The following WDR47 variants were observed in gnomAD, a reference collection of about 807,000 sequenced individuals.
WDR47 encodes WD repeat-containing protein 47.
In WDR47, 32 loss-of-function variants were observed where a neutral mutation model predicts 97.2. That is an observed-to-expected ratio of 0.33 (90% confidence interval 0.25 to 0.44). The LOEUF is 0.44. WDR47 is among the 20% of genes least tolerant of loss of function. WDR47 has a pLI of 1.00. For synonymous variants in WDR47, 375 were observed against 373.5 expected (o/e 1.00, Z -0.05); for missense variants, 782 against 1,102.3 (o/e 0.71, Z 4.11).
chr1:108,975,649 A>C (rs1657832539), intron 13 of WDR47, among the ~76,000 whole-genome samples: 1 of 151,708 alleles, frequency 6.6e-6, no homozygotes, highest in African/African-American at 2.4e-5. Context: ...TTTTTGAGAC[A>C]GAGTGAGACC....
At chr1:108,994,401 A>G (rs1489162101) in intron 8 of WDR47, among the ~76,000 whole-genome samples, 2 of 152,294 alleles carry the variant, frequency 1.3e-5, no homozygotes, top group Middle Eastern at 3.4e-3. Context: ...CCATCTCAAA[A>G]AAACAAAACA....
rs35274764 is a variant in WDR47 at position 109,030,757 on chromosome 1, TAAAA to T, written c.-9-7240_-9-7237del. The stretch of plus-strand genomic sequence containing the variant: ...CACAGGACTACTGCATCTTTTCCTT[TAAAA>T]AAAAAAAAAAAAAGGAGAAAAAAAC... On this transcript the variant is annotated intron_variant, in intron 1 of 14. Transcript: ENST00000369962. Among the ~76,000 whole-genome samples the T allele has an allele frequency of 4.4e-4, 50 of 113,222 alleles. 7 individuals are homozygous for T. The highest frequency in any genetic ancestry group is 7.1e-4 in the Non-Finnish European group (38 of 53,320). The allele number at this position is 113,222 out of a possible 152,430, so 74.3% of individuals were successfully genotyped here. A position where few individuals can be genotyped will look rare whatever the true frequency, so the allele number is the denominator to read the frequency against.
At chr1:109,013,604 G>A (rs1438850280) in intron 4 of WDR47, among the ~76,000 whole-genome samples, 1 of 152,054 alleles carries the variant, frequency 6.6e-6, no homozygotes, top group African/African-American at 2.4e-5. Context: ...CCTTAAACAA[G>A]AGAGATGCAC....
At chr1:109,036,534 C>CAAAA (rs34246298) in intron 1 of WDR47, among the ~76,000 whole-genome samples, 1 of 120,916 alleles carries the variant, frequency 8.3e-6, no homozygotes, top group African/African-American at 3.2e-5. Flanking sequence ...GACTCCGTCT[C>CAAAA]AAAAAAAAAA....
At chr1:109,033,777 G>A (rs1232041512) in intron 1 of WDR47, among the ~76,000 whole-genome samples, 1 of 152,210 alleles carries the variant, frequency 6.6e-6, no homozygotes. Context: ...AAATTAGCTG[G>A]ACGTGATGGC....
At chr1:109,029,669 CTCTA>C (rs1303605586) in intron 1 of WDR47, among the ~76,000 whole-genome samples, 1 of 135,914 alleles carries the variant, frequency 7.4e-6, no homozygotes, top group African/African-American at 3.1e-5. Context: ...GAGACTCTGT[CTCTA>C]AATAAATAAA....
At chr1:108,978,568 T>G (rs1658108426) in intron 13 of WDR47, among the ~76,000 whole-genome samples, 1 of 152,036 alleles carries the variant, frequency 6.6e-6, no homozygotes, top group African/African-American at 2.4e-5. Flanking sequence ...TATAAGTCTT[T>G]CAGTATATGA....
chr1:109,030,757 T>TA lies in WDR47; in HGVS notation c.-9-7237dup, dbSNP rs35274764. On this transcript the variant is annotated intron_variant, in intron 1 of 14. Transcript: ENST00000369962. ...CACAGGACTACTGCATCTTTTCCTT[T>TA]AAAAAAAAAAAAAAAAAGGAGAAAA... Among the ~76,000 whole-genome samples, 233 of 113,220 alleles carry TA rather than the reference T, an allele frequency of 2.1e-3. 20 individuals are homozygous for TA. The highest frequency in any genetic ancestry group is 4.6e-3 in the African/African-American group (148 of 31,936). 74.3% of individuals were successfully genotyped at this position (113,220 alleles called of 152,430 possible).
chr1:109,037,786 C>T (rs182713097), intron 1 of WDR47, among the ~76,000 whole-genome samples: 75 of 152,214 alleles, frequency 4.9e-4, no homozygotes, highest in African/African-American at 1.8e-3. Flanking sequence ...GTCAAGCATA[C>T]TACATAACTA....
At chr1:109,040,375 A>G (rs1663271410) in intron 1 of WDR47, among the ~76,000 whole-genome samples, 1 of 152,212 alleles carries the variant, frequency 6.6e-6, no homozygotes, top group African/African-American at 2.4e-5. Flanking sequence ...AAGAGGTTGA[A>G]CACCATTATG....
chr1:108,994,371 C>T (rs1254322722), intron 8 of WDR47, among the ~76,000 whole-genome samples: 2 of 151,912 alleles, frequency 1.3e-5, no homozygotes, highest in Non-Finnish European at 2.9e-5. Flanking sequence ...CATTCCAGCC[C>T]GGGCAACAAG....
At position 108,981,669 on chromosome 1, in the gene WDR47, A is replaced by G. The variant is rs2101813522; in HGVS notation, c.2398+64T>C. 5.5e-6 allele frequency: 8 copies of G among 1,466,578 alleles called. No homozygotes were observed. The Admixed American group carries it at 9.2e-5, about 17-fold the overall frequency. The allele number at this position is 1,466,578 out of a possible 1,614,324, so 90.8% of individuals were successfully genotyped here. On this transcript the variant is annotated intron_variant, in intron 13 of 14. Coordinates refer to ENST00000369962, the MANE Select transcript of WDR47 (RefSeq NM_001142551.2). ...TCTATTTTTTATATTGCAGGGGAGA[A>G]GAAGTAGACTAGTCTAATTTACAAA...
intron 3 of WDR47, among the ~76,000 whole-genome samples, chr1:109,016,888 G>A (rs775588019): frequency 4.0e-5 from 6 of 151,750 alleles, no homozygotes; most frequent in Non-Finnish European, 7.4e-5. Flanking sequence ...ACCAAACAAG[G>A]ACTACACTAG....
intron 5 of WDR47, among the ~76,000 whole-genome samples, chr1:109,007,004 C>G (rs1244087235): frequency 6.6e-6 from 1 of 151,838 alleles, no homozygotes; most frequent in African/African-American, 2.4e-5. Flanking sequence ...GTGGTGCAAT[C>G]AAGGCTCACT....
intron 1 of WDR47, among the ~76,000 whole-genome samples, chr1:109,031,968 T>C (rs1383726234): frequency 7.4e-6 from 1 of 136,046 alleles, no homozygotes; most frequent in Non-Finnish European, 1.6e-5. Context: ...CCTGGCTAAT[T>C]TTTGTGTTTT....
At chr1:108,984,709 C>T (rs959921643) in intron 10 of WDR47, among the ~76,000 whole-genome samples, 5 of 152,044 alleles carry the variant, frequency 3.3e-5, no homozygotes, top group Admixed American at 6.6e-5. Flanking sequence ...GAAACCCCGT[C>T]GCTACTAAAA....
chr1:109,022,689 A>T (rs1661934557), intron 2 of WDR47, among the ~76,000 whole-genome samples: 1 of 152,050 alleles, frequency 6.6e-6, no homozygotes, highest in Non-Finnish European at 1.5e-5. Context: ...GGTTCAAATG[A>T]TTCTCCTGCC....
intron 1 of WDR47, among the ~76,000 whole-genome samples, chr1:109,032,966 C>T (rs1398405861): frequency 1.3e-5 from 2 of 151,596 alleles, no homozygotes; most frequent in African/African-American, 4.8e-5. Flanking sequence ...TGTTAAAAGA[C>T]AAGGCACAAA....
chr1:109,031,227 C>T (rs1662588420), intron 1 of WDR47, among the ~76,000 whole-genome samples: 1 of 139,706 alleles, frequency 7.2e-6, no homozygotes, highest in Admixed American at 7.7e-5. Context: ...CAGCACGTGC[C>T]CCTGCTTACT....
Sources: allele counts gnomAD v4.1 joint callset (sites outside exome capture counted in the v4.1 genomes callset), GRCh38; gene constraint gnomAD v4.1.1; transcripts MANE v1.5; gene names NCBI Gene and HGNC (gene_info 2026-07-23, HGNC 2026-07-21).